The following DLX3 variants were observed in gnomAD, a reference collection of about 807,000 sequenced individuals.
DLX3 encodes the protein distal-less homeobox 3.
A neutral mutation model predicts 28.0 loss-of-function variants in DLX3; 9 were observed. The observed-to-expected ratio is 0.32, with a 90% confidence interval of 0.19 to 0.56. The LOEUF is 0.56. Among genes scored for constraint, DLX3 ranks in the 20% least tolerant of loss-of-function variants. The pLI, the probability that DLX3 is intolerant of heterozygous loss-of-function variation, is 0.91. For missense variants in DLX3, 313 were observed against 378.2 expected, an observed-to-expected ratio of 0.83 and a Z score of 1.43; for synonymous variants, 154 against 167.9, an observed-to-expected ratio of 0.92 and a Z score of 0.64.
Position 49,991,884 on chromosome 17 carries a change from G to T in DLX3, c.517-20C>A. On this transcript the variant is annotated intron_variant, in intron 2 of 2. Transcript: ENST00000434704. ...TTTCACCTGGGCCAGAGAAGAAAGGGGTAGCTAGTTAGCCTCTCAGAATGC... is the reference window on the plus strand; with the variant it reads ...TTTCACCTGGGCCAGAGAAGAAAGGTGTAGCTAGTTAGCCTCTCAGAATGC... 1.2e-6 allele frequency: 2 copies of T among 1,609,906 alleles called. No homozygotes were observed. The highest frequency in any genetic ancestry group is 1.7e-6 in the Non-Finnish European group (2 of 1,177,022).
At chr17:49,993,779 C>A in intron 1 of DLX3, 189 bp from the exon 2 acceptor site, 1 of 444,904 alleles carries the variant, frequency 2.2e-6, no homozygotes, top group Non-Finnish European at 3.6e-6. Context: ...TGGCCGCGGC[C>A]CACAACGCGG....
At position 49,995,148 on chromosome 17, in the gene DLX3, G is replaced by A. The variant is rs1328350633; in HGVS notation, c.-150C>T. 2.0e-6 allele frequency: 2 copies of A among 982,916 alleles called. No homozygotes were observed. The highest frequency in any genetic ancestry group is 3.1e-6 in the Non-Finnish European group (2 of 648,504). The allele number at this position is 982,916 out of a possible 1,614,324, so 60.9% of individuals were successfully genotyped here. A position where few individuals can be genotyped will look rare whatever the true frequency, so the allele number is the denominator to read the frequency against. On this transcript the variant is annotated 5_prime_UTR_variant, in exon 1 of 3. Coordinates refer to ENST00000434704, the MANE Select transcript of DLX3 (RefSeq NM_005220.3). ...GCGTCTGGGGGGAGGGGGAGGCCGA[G>A]AGGCGCTTACACCATTGCCTGCCGT...
At chr17:49,993,276 C>T in intron 2 of DLX3, 124 bp downstream of exon 2, 1 of 1,019,458 alleles carries the variant, frequency 9.8e-7, no homozygotes, top group East Asian at 2.6e-5. Context: ...CTCGCAGGCC[C>T]CCATCCCAAA....
intron 1 of DLX3, among the ~76,000 whole-genome samples, chr17:49,994,060 ACTTT>A (rs1372487469): frequency 1.3e-5 from 2 of 151,748 alleles, no homozygotes; most frequent in African/African-American, 2.4e-5. Context: ...GATAGTGCAG[ACTTT>A]CTTTCTTTCC....
intron 2 of DLX3, among the ~76,000 whole-genome samples, chr17:49,993,100 T>C (rs887117556): frequency 1.3e-5 from 2 of 152,108 alleles, no homozygotes; most frequent in African/African-American, 4.8e-5. Flanking sequence ...CACACATGCC[T>C]AGCCTGGAGG....
At chr17:49,993,269 G>A (rs940175061) in intron 2 of DLX3, 131 bp downstream of exon 2, 7 of 940,240 alleles carry the variant, frequency 7.4e-6, no homozygotes, top group Middle Eastern at 3.3e-4. Context: ...GTTGAACCTC[G>A]CAGGCCCCCA....
chr17:49,995,165 G>T lies in DLX3; in HGVS notation c.-167C>A. On this transcript the variant is annotated 5_prime_UTR_variant, in exon 1 of 3. Transcript: ENST00000434704. ...GAGGCCGAGAGGCGCTTACACCATTGCCTGCCGTCAGGCGGTCGCTGCGCG... is the reference window on the plus strand; with the variant it reads ...GAGGCCGAGAGGCGCTTACACCATTTCCTGCCGTCAGGCGGTCGCTGCGCG... The T allele has an allele frequency of 1.2e-6, 1 of 832,002 alleles. No homozygotes were observed. The highest frequency in any genetic ancestry group is 1.9e-6 in the Non-Finnish European group (1 of 520,940). 51.5% of individuals were successfully genotyped at this position (832,002 alleles called of 1,614,324 possible).
At chr17:49,993,623 G>T in intron 1 of DLX3, 33 bp from the exon 2 acceptor site, 1 of 1,608,118 alleles carries the variant, frequency 6.2e-7, no homozygotes, top group East Asian at 2.2e-5. Flanking sequence ...AAGAGGGGGC[G>T]GTTCAGCCTC....
At position 49,994,706 on chromosome 17, in the gene DLX3, T is replaced by C; in HGVS notation, c.293A>G (p.Tyr98Cys). 1 of 1,614,070 alleles carries C rather than the reference T, an allele frequency of 6.2e-7. No homozygotes were observed. Among genetic ancestry groups the C allele is most frequent in the Non-Finnish European group, 8.5e-7 (1 of 1,180,036 alleles). ...CTGGGCTGGCAGCGGCTGCTCCCGA[T>C]ACGCCCCGTATTGCCGGTAGGAGGC... The part of the protein sequence containing the change: ...YGASYRQYGA[Y>C]REQPLPAQDP... Residue 98 changes from tyrosine to cysteine, a missense_variant, in exon 1 of 3, where the codon TAT becomes TGT. Tyr to Cys is a radical substitution (Grantham distance 194). Transcript: ENST00000434704.
chr17:49,994,590 G>C lies in DLX3; in HGVS notation c.325+84C>G, dbSNP rs1199920452. On this transcript the variant is annotated intron_variant, in intron 1 of 2. Coordinates refer to ENST00000434704, the MANE Select transcript of DLX3 (RefSeq NM_005220.3). ...AGTACTTTTCTTAGAAGTTTTCCTA[G>C]ATTTTGGCTTCCAGTCCATGCCTTT... The C allele has an allele frequency of 1.1e-5, 17 of 1,490,020 alleles. No homozygotes were observed. In the Admixed American group the frequency reaches 1.6e-4, roughly 14 times the overall value. 92.3% of individuals were successfully genotyped at this position (1,490,020 alleles called of 1,614,324 possible). A position where few individuals can be genotyped will look rare whatever the true frequency, so the allele number is the denominator to read the frequency against.
chr17:49,991,391 G>C lies in DLX3; in HGVS notation c.*126C>G. ...GAAGCGCTTGGGTCCCTGGAGGAAG[G>C]GGCAAGGGAGGGGGAAAGGGAGTTC... On this transcript the variant is annotated 3_prime_UTR_variant, in exon 3 of 3. Transcript: ENST00000434704. 1.2e-6 allele frequency: 1 copy of C among 865,624 alleles called. No individual in the cohort carries two copies. Among genetic ancestry groups the C allele is most frequent in the Non-Finnish European group, 1.7e-6 (1 of 576,060 alleles). The allele number at this position is 865,624 out of a possible 1,614,324, so 53.6% of individuals were successfully genotyped here. A position where few individuals can be genotyped will look rare whatever the true frequency, so the allele number is the denominator to read the frequency against.
chr17:49,991,994 C>T, intron 2 of DLX3, 130 bp from the exon 3 acceptor site: 1 of 874,698 alleles, frequency 1.1e-6, no homozygotes, highest in South Asian at 1.5e-5. Flanking sequence ...AAACAGGCCT[C>T]CTGACTCCCA....
rs758755309 is a variant in DLX3 at position 49,995,040 on chromosome 17, G to A, written c.-42C>T. On this transcript the variant is annotated 5_prime_UTR_variant, in exon 1 of 3. Transcript: ENST00000434704. ...CCTCCCCAGGGCTGGCCTCCGCAGAGGACAGGAACGGACCGGAGTGCGAGA... is the reference window on the plus strand; with the variant it reads ...CCTCCCCAGGGCTGGCCTCCGCAGAAGACAGGAACGGACCGGAGTGCGAGA... 12 of 1,597,220 alleles carry A rather than the reference G, an allele frequency of 7.5e-6. No homozygotes were observed. The highest frequency in any genetic ancestry group is 9.4e-6 in the Non-Finnish European group (11 of 1,176,000).
At position 49,991,664 on chromosome 17, in the gene DLX3, G is replaced by A. The variant is rs1906094865; in HGVS notation, c.717C>T (p.Ala239=). Residue 239 remains alanine, a synonymous_variant, in exon 3 of 3, where the codon GCC becomes GCT. Coordinates refer to ENST00000434704, the MANE Select transcript of DLX3 (RefSeq NM_005220.3). ...TGGGGTCGTCCAGGTAGCTGGGGGA[G>A]GCACTGTATGGGAGCGGCGGGGGCA... The part of the protein sequence containing the change: ...SQLPPPLPYS[A]SPSYLDDPTN... 2 of 1,613,860 alleles carry A rather than the reference G, an allele frequency of 1.2e-6. No individual in the cohort carries two copies. The highest frequency in any genetic ancestry group is 2.2e-5 in the South Asian group (2 of 91,074).
At position 49,991,763 on chromosome 17, in the gene DLX3, G is replaced by A; in HGVS notation, c.618C>T (p.Ala206=). The stretch of plus-strand genomic sequence containing the variant: ...GGGCGGGTGATGGTGGTGAGTTGCA[G>A]GCCATGGAATCACTGTTATTGGGAC... The part of the protein sequence containing the change: ...EHSPNNSDSM[A]CNSPPSPALW... Residue 206 remains alanine, a synonymous_variant, in exon 3 of 3, where the codon GCC becomes GCT. Coordinates refer to ENST00000434704, the MANE Select transcript of DLX3 (RefSeq NM_005220.3). The A allele has an allele frequency of 1.2e-6, 2 of 1,614,102 alleles. No homozygotes were observed. Among genetic ancestry groups the A allele is most frequent in the Non-Finnish European group, 1.7e-6 (2 of 1,180,006 alleles).
Position 49,994,945 on chromosome 17 carries a change from G to A in DLX3, c.54C>T (p.Ser18=). ...KLSSILTDIS[S]SLSCHAGSKD... ...TGGAGCCCGCATGGCAGCTAAGGGAGCTGGAGATGTCGGTGAGGATGCTGC... is the reference window on the plus strand; with the variant it reads ...TGGAGCCCGCATGGCAGCTAAGGGAACTGGAGATGTCGGTGAGGATGCTGC... The change falls in exon 1 of 3, where the codon AGC becomes AGT. Residue 18 remains serine, a synonymous_variant. Coordinates refer to ENST00000434704, the MANE Select transcript of DLX3 (RefSeq NM_005220.3). The A allele has an allele frequency of 6.2e-7, 1 of 1,613,830 alleles. No individual in the cohort carries two copies. The highest frequency in any genetic ancestry group is 8.5e-7 in the Non-Finnish European group (1 of 1,180,050).
rs1261907820 is a variant in DLX3, at chr17:49,993,409, C to T, written c.507G>A (p.Thr169=). 3 of 1,603,510 alleles carry T rather than the reference C, an allele frequency of 1.9e-6. No individual in the cohort carries two copies. Among genetic ancestry groups the T allele is most frequent in the Non-Finnish European group, 8.5e-7 (1 of 1,178,364 alleles). The part of the protein sequence containing the change: ...RAELAAQLGL[T]QTQVKIWFQN... ...ACAGCCAAACACCAACCTGTGTCTG[C>T]GTGAGGCCCAGCTGCGCGGCCAGCT... The change falls in exon 2 of 3, where the codon ACG becomes ACA. Residue 169 remains threonine (T), a synonymous_variant. Transcript: ENST00000434704.
Position 49,990,139 on chromosome 17 carries a change from T to G in DLX3, c.*1378A>C, listed in dbSNP as rs1906033934. 6.6e-6 allele frequency: 1 copy of G among 152,220 alleles called. No individual in the cohort carries two copies. The highest frequency in any genetic ancestry group is 1.5e-5 in the Non-Finnish European group (1 of 68,016). 9.4% of individuals were successfully genotyped at this position (152,220 alleles called of 1,614,324 possible). ...GTGGGACTCTTGGAGACCTACCACG[T>G]CTCTCTTGGCCCCTGCACCTCCCAC... is the stretch of plus-strand genomic sequence containing the variant. On this transcript the variant is annotated 3_prime_UTR_variant, in exon 3 of 3. Coordinates refer to ENST00000434704, the MANE Select transcript of DLX3 (RefSeq NM_005220.3).
intron 2 of DLX3, 110 bp from the exon 3 acceptor site, chr17:49,991,974 A>G (rs1488871153): frequency 8.9e-7 from 1 of 1,127,350 alleles, no homozygotes. Flanking sequence ...TCACATAAGA[A>G]TCAGGCAAAA....
Sources: allele counts gnomAD v4.1 joint callset (sites outside exome capture counted in the v4.1 genomes callset), GRCh38; gene constraint gnomAD v4.1.1; transcripts MANE v1.5; gene names NCBI Gene and HGNC (gene_info 2026-07-23, HGNC 2026-07-21).